Variants in CDH18 observed in about 807,000 individuals in gnomAD.
CDH18 encodes cadherin 18.
Under a neutral mutation model 67.9 loss-of-function variants are expected in CDH18, and 31 were observed. The observed-to-expected ratio is 0.46, with a 90% CI of 0.34 to 0.62. The LOEUF (loss-of-function observed/expected upper bound fraction) is 0.62, where lower values mean the gene tolerates loss of function less well. Among genes scored for constraint, CDH18 ranks in the 20% least tolerant of loss-of-function variants. The pLI, the probability that CDH18 is intolerant of heterozygous loss-of-function variation, is 0.01. For synonymous variants in CDH18, 362 were observed against 347.2 expected, an observed-to-expected ratio of 1.04 and a Z score of -0.48; for missense variants, 890 against 975.5, an observed-to-expected ratio of 0.91 and a Z score of 1.17.
At chr5:19,865,775 G>A (rs907557595) in intron 2 of CDH18, among the ~76,000 whole-genome samples, 1 of 152,154 alleles carries the variant, frequency 6.6e-6, no homozygotes, top group Non-Finnish European at 1.5e-5. Flanking sequence ...TGTTGTTTAT[G>A]TAATACTGCC....
intron 2 of CDH18, among the ~76,000 whole-genome samples, chr5:20,053,277 T>G (rs1037159052): frequency 2.0e-5 from 3 of 150,952 alleles, no homozygotes; most frequent in South Asian, 2.1e-4. Flanking sequence ...ATAGTATAGA[T>G]ATATATATAT....
At chr5:19,731,323 C>T (rs190191569) in intron 4 of CDH18, among the ~76,000 whole-genome samples, 6,640 of 151,934 alleles carry the variant, frequency 0.044, 474 homozygotes, top group African/African-American at 0.15. Flanking sequence ...TGGTGGCGGG[C>T]GCCTGTAGCC....
chr5:20,349,365 A>C (rs1271516183), intron 1 of CDH18, among the ~76,000 whole-genome samples: 5 of 152,148 alleles, frequency 3.3e-5, no homozygotes, highest in African/African-American at 4.8e-5. Context: ...ATCCGTTAAA[A>C]ATGCAGAATT....
In CDH18 at chr5:19,521,533, T is replaced by C. The variant is rs181520985; in HGVS notation, c.1391-755A>G. On this transcript the variant is annotated intron_variant, in intron 9 of 12. Transcript: ENST00000382275. ...AAATCTCTCTGTCTGGCTTTCTCTT[T>C]GCTAATGTATCTGTCATTCTCTGAA... 3.1e-3 allele frequency among the ~76,000 whole-genome samples: 471 copies of C among 152,294 alleles called. 3 individuals are homozygous for C. Among genetic ancestry groups the C allele is most frequent in the Non-Finnish European group, 5.4e-3 (366 of 67,990 alleles).
At chr5:20,443,523 A>T (rs1749787111) in intron 1 of CDH18, among the ~76,000 whole-genome samples, 1 of 151,974 alleles carries the variant, frequency 6.6e-6, no homozygotes, top group African/African-American at 2.4e-5. Context: ...CCAGGGGTAC[A>T]AAATCAATAG....
intron 1 of CDH18, among the ~76,000 whole-genome samples, chr5:19,982,434 T>C (rs1799149233): frequency 6.6e-6 from 1 of 152,120 alleles, no homozygotes; most frequent in Non-Finnish European, 1.5e-5. Context: ...TTAAAAATTA[T>C]AGCATACATA....
intron 5 of CDH18, among the ~76,000 whole-genome samples, chr5:19,624,148 C>T (rs899526327): frequency 3.3e-5 from 5 of 151,896 alleles, no homozygotes; most frequent in African/African-American, 9.7e-5. Context: ...GTTGGGATTG[C>T]GGGCGTGCAC....
At chr5:19,719,925 GAAAGAA>G (rs1765830302) in intron 5 of CDH18, among the ~76,000 whole-genome samples, 2 of 147,040 alleles carry the variant, frequency 1.4e-5, no homozygotes, top group Non-Finnish European at 3.0e-5. Context: ...AAGAAAGAAA[GAAAGAA>G]AGAAAGAAAG....
intron 1 of CDH18, chr5:20,304,758 C>A (rs1736272421): frequency 3.7e-6 from 6 of 1,610,992 alleles, no homozygotes; most frequent in Admixed American, 1.7e-5. Flanking sequence ...CTGACTCTTG[C>A]TGTAATTTTG....
At chr5:20,076,093 AAAT>A (rs1743905885) in intron 2 of CDH18, among the ~76,000 whole-genome samples, 1 of 152,176 alleles carries the variant, frequency 6.6e-6, no homozygotes, top group African/African-American at 2.4e-5. Context: ...CTATAAAAAT[AAAT>A]AAAAATATCT....
intron 2 of CDH18, among the ~76,000 whole-genome samples, chr5:20,140,901 T>A (rs1750193936): frequency 6.6e-6 from 1 of 152,122 alleles, no homozygotes; most frequent in Admixed American, 6.6e-5. Context: ...ACTGGAGGTA[T>A]TTTCCAATTC....
chr5:20,150,472 A>T (rs909985903), intron 2 of CDH18, among the ~76,000 whole-genome samples: 1 of 152,112 alleles, frequency 6.6e-6, no homozygotes, highest in African/African-American at 2.4e-5. Context: ...AACACAAAAA[A>T]GTAATTATTA....
chr5:19,976,190 T>C (rs1798480960), intron 2 of CDH18, among the ~76,000 whole-genome samples: 1 of 152,182 alleles, frequency 6.6e-6, no homozygotes, highest in Non-Finnish European at 1.5e-5. Context: ...TAAACTTCCA[T>C]AAATTCTGTT....
chr5:19,549,987 C>T (rs1045349518), intron 8 of CDH18, among the ~76,000 whole-genome samples: 15 of 151,876 alleles, frequency 9.9e-5, no homozygotes, highest in African/African-American at 3.6e-4. Context: ...CACCAGAGAT[C>T]ATCCAGAGAG....
At chr5:20,485,270 A>C (rs925939227) in intron 1 of CDH18, among the ~76,000 whole-genome samples, 5 of 152,116 alleles carry the variant, frequency 3.3e-5, no homozygotes, top group African/African-American at 1.2e-4. Context: ...CAGTGTTCTA[A>C]GACTGACTAA....
At chr5:20,513,562 A>G (rs1755175361) in intron 1 of CDH18, among the ~76,000 whole-genome samples, 1 of 152,178 alleles carries the variant, frequency 6.6e-6, no homozygotes, top group Admixed American at 6.5e-5. Flanking sequence ...TTAATATCCT[A>G]AAATCTAGAT....
intron 1 of CDH18, among the ~76,000 whole-genome samples, chr5:20,386,062 T>A (rs536307564): frequency 8.4e-4 from 128 of 152,328 alleles, no homozygotes; most frequent in African/African-American, 2.9e-3. Context: ...GAGAGCTCCA[T>A]CAGCACAAAT....
chr5:20,501,587 ATATATAT>A (rs1467678730), intron 1 of CDH18, among the ~76,000 whole-genome samples: 589 of 14,064 alleles, frequency 0.042, 19 homozygotes, highest in African/African-American at 0.087. Flanking sequence ...TATATTATAT[ATATATAT>A]TATATATATA....
intron 5 of CDH18, among the ~76,000 whole-genome samples, chr5:19,679,791 A>G (rs1397749400): frequency 1.3e-5 from 2 of 152,048 alleles, no homozygotes; most frequent in Non-Finnish European, 1.5e-5. Context: ...GAAATCAGAG[A>G]TGACACAAAC....
Sources: gnomAD v4.1 joint callset for allele counts (sites outside exome capture counted in the v4.1 genomes callset) on GRCh38, gnomAD v4.1.1 for gene constraint, MANE v1.5 for transcripts, NCBI Gene and HGNC (gene_info 2026-07-23, HGNC 2026-07-21) for gene names.